Variants in CTNNA3 observed in about 807,000 individuals in gnomAD.
The protein encoded by CTNNA3 is catenin alpha 3.
CTNNA3 carries 76 observed loss-of-function variants against 95.7 expected under a neutral mutation model. The observed-to-expected ratio is 0.79, with a 90% CI of 0.66 to 0.96. CTNNA3 has a LOEUF of 0.96. CTNNA3 is among the 40% of genes least tolerant of loss of function. The pLI is 0.00. For synonymous variants in CTNNA3, 431 were observed against 374.4 expected, an observed-to-expected ratio of 1.15 and a Z score of -1.74; for missense variants, 1,191 against 1,089.8, an observed-to-expected ratio of 1.09 and a Z score of -1.31.
chr10:67,145,679 T>G (rs1251021512), intron 7 of CTNNA3, among the ~76,000 whole-genome samples: 2 of 152,104 alleles, frequency 1.3e-5, no homozygotes, highest in African/African-American at 4.8e-5. Flanking sequence ...TCCACCTGCC[T>G]TGGCCTCCCA....
intron 5 of CTNNA3, among the ~76,000 whole-genome samples, chr10:67,519,528 C>G (rs1839919583): frequency 6.6e-6 from 1 of 152,044 alleles, no homozygotes; most frequent in South Asian, 2.1e-4. Context: ...TTTTAATTGC[C>G]TATAATCTGA....
intron 7 of CTNNA3, among the ~76,000 whole-genome samples, chr10:66,823,037 T>C (rs923734182): frequency 6.6e-6 from 1 of 152,228 alleles, no homozygotes; most frequent in African/African-American, 2.4e-5. Flanking sequence ...CCTGCAAAGC[T>C]GGGATTTGTG....
chr10:66,148,381 T>C (rs2084008456), intron 13 of CTNNA3, among the ~76,000 whole-genome samples: 1 of 152,154 alleles, frequency 6.6e-6, no homozygotes, highest in South Asian at 2.1e-4. Flanking sequence ...TGCTATGGTT[T>C]GAATGTATTC....
At chr10:66,660,483 A>G (rs944835584) in intron 9 of CTNNA3, among the ~76,000 whole-genome samples, 1 of 152,182 alleles carries the variant, frequency 6.6e-6, no homozygotes, top group African/African-American at 2.4e-5. Flanking sequence ...TGTGCTAGAG[A>G]GACAAAGTTA....
intron 1 of CTNNA3, among the ~76,000 whole-genome samples, chr10:67,732,484 A>T (rs1237008918): frequency 6.6e-6 from 1 of 152,198 alleles, no homozygotes; most frequent in Non-Finnish European, 1.5e-5. Flanking sequence ...CAAGTTGAGA[A>T]GCCACTCGTG....
chr10:67,261,444 C>G (rs1315638727), intron 5 of CTNNA3, among the ~76,000 whole-genome samples: 5 of 152,132 alleles, frequency 3.3e-5, no homozygotes, highest in Non-Finnish European at 7.4e-5. Flanking sequence ...GAAATACCAA[C>G]ACTGTGGTTG....
intron 5 of CTNNA3, among the ~76,000 whole-genome samples, chr10:67,384,082 C>T (rs1844051421): frequency 6.6e-6 from 1 of 152,074 alleles, no homozygotes; most frequent in Admixed American, 6.6e-5. Flanking sequence ...TGCTCCTTAT[C>T]ATTACTTATA....
At chr10:66,851,433 T>A (rs1843481657) in intron 7 of CTNNA3, among the ~76,000 whole-genome samples, 1 of 152,138 alleles carries the variant, frequency 6.6e-6, no homozygotes, top group Admixed American at 6.5e-5. Flanking sequence ...TGGATATTTG[T>A]CCCCTCCCAA....
intron 13 of CTNNA3, among the ~76,000 whole-genome samples, chr10:66,241,626 T>C (rs2090109683): frequency 7.0e-6 from 1 of 142,146 alleles, no homozygotes. Context: ...CAATTAAACA[T>C]CCCCCCACCC....
At chr10:67,296,084 GT>G (rs1564543473) in intron 5 of CTNNA3, among the ~76,000 whole-genome samples, 1 of 152,202 alleles carries the variant, frequency 6.6e-6, no homozygotes, top group Non-Finnish European at 1.5e-5. Flanking sequence ...AAGGTGAAGT[GT>G]GAGTAAGCAA....
intron 6 of CTNNA3, among the ~76,000 whole-genome samples, chr10:67,188,638 C>T (rs1410085570): frequency 6.6e-6 from 1 of 152,086 alleles, no homozygotes; most frequent in East Asian, 1.9e-4. Flanking sequence ...AATCCCACTA[C>T]TGTGTATATA....
At chr10:67,700,758 G>A (rs186305756), upstream of CTNNA3, among the ~76,000 whole-genome samples, 1,183 of 152,268 alleles carry the variant, frequency 7.8e-3, 7 homozygotes, top group Non-Finnish European at 9.3e-3. Flanking sequence ...CACCAGCAAC[G>A]GAACAAAGCT....
chr10:67,082,008 A>C (rs908350184), intron 7 of CTNNA3, among the ~76,000 whole-genome samples: 4 of 152,228 alleles, frequency 2.6e-5, no homozygotes, highest in African/African-American at 9.6e-5. Flanking sequence ...CCTGAAACTT[A>C]ATGTTCACAA....
intron 9 of CTNNA3, among the ~76,000 whole-genome samples, chr10:66,719,662 G>A (rs1162955116): frequency 6.6e-6 from 1 of 152,128 alleles, no homozygotes. Flanking sequence ...GCAGCAGCAT[G>A]CCTACAGTGG....
intron 2 of CTNNA3, among the ~76,000 whole-genome samples, chr10:67,623,729 G>A (rs1455645308): frequency 6.6e-6 from 1 of 152,096 alleles, no homozygotes; most frequent in African/African-American, 2.4e-5. Flanking sequence ...TCTTTTGTAG[G>A]AGCCTAGCGC....
At chr10:66,466,375 A>ACACACACACACAC in intron 11 of CTNNA3, among the ~76,000 whole-genome samples, 1 of 83,880 alleles carries the variant, frequency 1.2e-5, no homozygotes, top group Admixed American at 1.2e-4. Context: ...CACACACACA[A>ACACACACACACAC]TCTATTGGTT....
At chr10:66,099,238 GA>G (rs2081519145) in intron 14 of CTNNA3, among the ~76,000 whole-genome samples, 1 of 152,160 alleles carries the variant, frequency 6.6e-6, no homozygotes, top group Admixed American at 6.5e-5. Context: ...AGCATGGCAT[GA>G]GTATTTAAAG....
intron 1 of CTNNA3, among the ~76,000 whole-genome samples, chr10:67,691,575 C>T (rs955652289): frequency 6.6e-6 from 1 of 151,358 alleles, no homozygotes; most frequent in African/African-American, 2.4e-5. Context: ...GCGTCTCTGC[C>T]CGGTCGCCCC....
chr10:66,268,587 G>A (rs984284734), intron 13 of CTNNA3, among the ~76,000 whole-genome samples: 4 of 152,134 alleles, frequency 2.6e-5, no homozygotes, highest in African/African-American at 9.7e-5. Context: ...ATTGATGGTT[G>A]TTTTATACCA....
Sources: allele counts gnomAD v4.1 joint callset (sites outside exome capture counted in the v4.1 genomes callset), GRCh38; gene constraint gnomAD v4.1.1; transcripts MANE v1.5; gene names NCBI Gene and HGNC (gene_info 2026-07-23, HGNC 2026-07-21).